Variants in SLC14A2 observed in about 807,000 individuals in gnomAD.
SLC14A2 encodes the protein solute carrier family 14 member 2, also known as urea transporter 2.
Under a neutral mutation model 104.6 loss-of-function variants are expected in SLC14A2, and 91 were observed. That is an observed-to-expected ratio of 0.87 (90% confidence interval 0.73 to 1.04). The LOEUF is 1.04. Among genes scored for constraint, SLC14A2 ranks in the 50% least tolerant of loss-of-function variants. The pLI is 0.00. For missense variants in SLC14A2, 1,189 were observed against 1,156.0 expected, an observed-to-expected ratio of 1.03 and a Z score of -0.41; for synonymous variants, 476 against 466.4, an observed-to-expected ratio of 1.02 and a Z score of -0.27.
intron 1 of SLC14A2, among the ~76,000 whole-genome samples, chr18:45,430,999 C>A (rs2086506176): frequency 6.6e-6 from 1 of 152,068 alleles, no homozygotes; most frequent in Non-Finnish European, 1.5e-5. Context: ...AGGAAATGTG[C>A]AAAGATGAAG....
At chr18:45,324,271 C>G (rs1012607471) in intron 1 of SLC14A2, among the ~76,000 whole-genome samples, 1 of 152,148 alleles carries the variant, frequency 6.6e-6, no homozygotes, top group Non-Finnish European at 1.5e-5. Flanking sequence ...TTAAACCACG[C>G]CATGGTGGCA....
chr18:45,173,743 A>G, the SLC14A2 span, among the ~76,000 whole-genome samples: 1 of 152,150 alleles, frequency 6.6e-6, no homozygotes, highest in Non-Finnish European at 1.5e-5. Context: ...AATTTCCTTT[A>G]GATGCTTAGA....
intron 2 of SLC14A2, among the ~76,000 whole-genome samples, chr18:45,557,061 G>T (rs946668624): frequency 2.6e-5 from 4 of 152,228 alleles, no homozygotes; most frequent in Non-Finnish European, 5.9e-5. Flanking sequence ...TCAAGAAAGA[G>T]TAGCCAATGC....
intron 2 of SLC14A2, among the ~76,000 whole-genome samples, chr18:45,578,358 A>G (rs1399610101): frequency 3.9e-5 from 6 of 152,224 alleles, no homozygotes; most frequent in Non-Finnish European, 8.8e-5. Context: ...TGCAGACCAT[A>G]AACCACACAT....
At chr18:45,589,324 A>AG (rs1337824840) in intron 2 of SLC14A2, among the ~76,000 whole-genome samples, 7 of 151,172 alleles carry the variant, frequency 4.6e-5, no homozygotes, top group South Asian at 2.1e-4. Flanking sequence ...GGAGAGAGAA[A>AG]GGGGGGCTGC....
chr18:45,500,370 G>T (rs943163876), intron 2 of SLC14A2, among the ~76,000 whole-genome samples: 1 of 152,116 alleles, frequency 6.6e-6, no homozygotes, highest in East Asian at 1.9e-4. Flanking sequence ...GAGGTCAGGA[G>T]ATCGAGACCA....
Position 45,682,659 on chromosome 18 carries a change from A to G in SLC14A2, c.*140A>G. ...AACACAAAGAAGCGTGTATGTAGTCACCATTCCAGAACCTCTCTTTTCTAA... is the reference window on the plus strand; with the variant it reads ...AACACAAAGAAGCGTGTATGTAGTCGCCATTCCAGAACCTCTCTTTTCTAA... On this transcript the variant is annotated 3_prime_UTR_variant, in exon 20 of 20. Coordinates refer to ENST00000255226, the MANE Select transcript of SLC14A2 (RefSeq NM_007163.4). 1 of 682,258 alleles carries G rather than the reference A, an allele frequency of 1.5e-6. No individual in the cohort carries two copies. Among genetic ancestry groups the G allele is most frequent in the Non-Finnish European group, 2.6e-6 (1 of 377,742 alleles). The allele number at this position is 682,258 out of a possible 1,614,324, so 42.3% of individuals were successfully genotyped here.
At chr18:45,313,376 G>T (rs1032054012) in intron 1 of SLC14A2, among the ~76,000 whole-genome samples, 5 of 152,148 alleles carry the variant, frequency 3.3e-5, no homozygotes, top group African/African-American at 1.2e-4. Context: ...AGACCCAAGA[G>T]AAGTCATTTG....
At chr18:45,284,407 C>T (rs774093855) in intron 1 of SLC14A2, among the ~76,000 whole-genome samples, 1 of 152,086 alleles carries the variant, frequency 6.6e-6, no homozygotes, top group Non-Finnish European at 1.5e-5. Flanking sequence ...ATGTTTCTCC[C>T]CTCTCTGTGT....
intron 1 of SLC14A2, among the ~76,000 whole-genome samples, chr18:45,280,610 T>C (rs1453051726): frequency 6.6e-6 from 1 of 152,158 alleles, no homozygotes; most frequent in South Asian, 2.1e-4. Flanking sequence ...TCTTTCTTTC[T>C]GGATGGCTGC....
At chr18:45,606,268 A>G (rs1016247739) in intron 2 of SLC14A2, among the ~76,000 whole-genome samples, 1 of 152,136 alleles carries the variant, frequency 6.6e-6, no homozygotes, top group African/African-American at 2.4e-5. Context: ...ATGTAACACT[A>G]TCTGGTTCCT....
At chr18:45,339,301 T>C (rs1253210838) in intron 1 of SLC14A2, among the ~76,000 whole-genome samples, 1 of 152,140 alleles carries the variant, frequency 6.6e-6, no homozygotes, top group Non-Finnish European at 1.5e-5. Context: ...AGACTGCCTG[T>C]ACAACACTGC....
intron 2 of SLC14A2, among the ~76,000 whole-genome samples, chr18:45,582,426 G>A (rs1353249686): frequency 7.2e-5 from 11 of 152,062 alleles, no homozygotes; most frequent in Admixed American, 7.2e-4. Context: ...GTACAGATAA[G>A]AAAGGATTTT....
At position 45,605,955 on chromosome 18, in the gene SLC14A2, G is replaced by A. The variant is rs79602774; in HGVS notation, c.-34-18676G>A. Among the ~76,000 whole-genome samples, 599 of 152,230 alleles carry A rather than the reference G, an allele frequency of 3.9e-3. 2 individuals carry two copies. Among genetic ancestry groups the A allele is most frequent in the African/African-American group, 0.014 (565 of 41,518 alleles). ...GACCACTACATGAAAATCTGTTTTC[G>A]GGGTATTGAGTTCCATACTGAAATA... is the stretch of plus-strand genomic sequence containing the variant. On this transcript the variant is annotated intron_variant, in intron 2 of 20. Transcript: ENST00000586448.
At chr18:45,450,573 G>A (rs2086841527) in intron 1 of SLC14A2, among the ~76,000 whole-genome samples, 1 of 152,180 alleles carries the variant, frequency 6.6e-6, no homozygotes, top group African/African-American at 2.4e-5. Flanking sequence ...CTTAGGGTGG[G>A]ACCCTTGACC....
At chr18:45,323,564 T>G (rs1437779754) in intron 1 of SLC14A2, among the ~76,000 whole-genome samples, 1 of 152,352 alleles carries the variant, frequency 6.6e-6, no homozygotes, top group East Asian at 1.9e-4. Flanking sequence ...CTCTTTCAAA[T>G]TCTGCTTTAT....
chr18:45,603,862 T>C (rs1384548246), intron 2 of SLC14A2, among the ~76,000 whole-genome samples: 1 of 152,258 alleles, frequency 6.6e-6, no homozygotes, highest in African/African-American at 2.4e-5. Flanking sequence ...TAATTTCAGA[T>C]GCCAGGTAAC....
At chr18:45,608,336 T>C (rs938398220) in intron 2 of SLC14A2, among the ~76,000 whole-genome samples, 1 of 152,228 alleles carries the variant, frequency 6.6e-6, no homozygotes, top group African/African-American at 2.4e-5. Flanking sequence ...CACTTGTTGA[T>C]ACCCACTATA....
chr18:45,565,273 C>T (rs528899072), intron 2 of SLC14A2, among the ~76,000 whole-genome samples: 15 of 152,116 alleles, frequency 9.9e-5, no homozygotes, highest in South Asian at 2.1e-4. Context: ...TACAGGCGCC[C>T]GCCACCAAGC....
Sources: allele counts gnomAD v4.1 joint callset (sites outside exome capture counted in the v4.1 genomes callset), GRCh38; gene constraint gnomAD v4.1.1; transcripts MANE v1.5; gene names NCBI Gene and HGNC (gene_info 2026-07-23, HGNC 2026-07-21).